The following LRRTM4 variants were observed in gnomAD, a reference collection of about 807,000 sequenced individuals.
The protein encoded by LRRTM4 is leucine-rich repeat transmembrane neuronal protein 4.
Under a neutral mutation model 47.6 loss-of-function variants are expected in LRRTM4, and 25 were observed. The observed-to-expected ratio is 0.53, with a 90% CI of 0.38 to 0.73. The LOEUF is 0.73. LRRTM4 is among the 30% of genes least tolerant of loss of function. The probability of loss-of-function intolerance (pLI) is 0.00; values close to 1 mark genes in which losing one functional copy is unlikely to be tolerated. For synonymous variants in LRRTM4, 311 were observed against 269.5 expected (o/e 1.15, Z -1.51); for missense variants, 638 against 713.4 (o/e 0.89, Z 1.20).
chr2:77,118,515 T>C (rs1558589171), intron 3 of LRRTM4, among the ~76,000 whole-genome samples: 1 of 151,916 alleles, frequency 6.6e-6, no homozygotes, highest in Non-Finnish European at 1.5e-5. Flanking sequence ...CAATGATGGA[T>C]GGAGCATGCA....
At chr2:76,787,444 C>A (rs1209414610) in intron 3 of LRRTM4, among the ~76,000 whole-genome samples, 1 of 151,978 alleles carries the variant, frequency 6.6e-6, no homozygotes, top group Non-Finnish European at 1.5e-5. Context: ...TCAACATTAT[C>A]AGATGGTAAG....
chr2:77,126,735 T>C (rs1398533517), intron 3 of LRRTM4, among the ~76,000 whole-genome samples: 1 of 152,128 alleles, frequency 6.6e-6, no homozygotes, highest in Non-Finnish European at 1.5e-5. Context: ...GGGGTTGATT[T>C]AGAAACACCT....
At chr2:77,364,359 A>G (rs375082088) in intron 3 of LRRTM4, among the ~76,000 whole-genome samples, 1 of 152,124 alleles carries the variant, frequency 6.6e-6, no homozygotes, top group Non-Finnish European at 1.5e-5. Flanking sequence ...CGTTGATTCA[A>G]TTTTAAAGGA....
At chr2:77,278,661 C>T (rs1676430450) in intron 3 of LRRTM4, among the ~76,000 whole-genome samples, 1 of 151,928 alleles carries the variant, frequency 6.6e-6, no homozygotes, top group Admixed American at 6.6e-5. Context: ...GGCCATTTAT[C>T]CCCATATAGC....
intron 3 of LRRTM4, among the ~76,000 whole-genome samples, chr2:77,065,280 T>C (rs1441096953): frequency 6.6e-6 from 1 of 152,178 alleles, no homozygotes; most frequent in Admixed American, 6.6e-5. Flanking sequence ...TTCTCATCTC[T>C]ATATTAATTC....
intron 3 of LRRTM4, among the ~76,000 whole-genome samples, chr2:77,200,047 CAT>C (rs1418975812): frequency 6.6e-6 from 1 of 151,860 alleles, no homozygotes; most frequent in Admixed American, 6.6e-5. Context: ...CAAAGTTAAA[CAT>C]GTGTTTTAGA....
chr2:77,176,703 T>C (rs1162598695), intron 3 of LRRTM4, among the ~76,000 whole-genome samples: 1 of 152,128 alleles, frequency 6.6e-6, no homozygotes, highest in Non-Finnish European at 1.5e-5. Flanking sequence ...GTGTGACAAA[T>C]TTAGGAATTT....
rs760585717 is a variant in LRRTM4, at chr2:77,519,647, C to G, written c.222G>C (p.Gln74His). 2 of 1,613,436 alleles carry G rather than the reference C, an allele frequency of 1.2e-6. No homozygotes were observed. The highest frequency in any genetic ancestry group is 1.7e-6 in the Non-Finnish European group (2 of 1,179,620). Residue 74 changes from glutamine (Q) to histidine (H), a missense_variant, in exon 3 of 4, where the codon CAG becomes CAC. By Grantham distance (24) the Gln-to-His change is conservative. Coordinates refer to ENST00000409884, the MANE Select transcript of LRRTM4 (RefSeq NM_001134745.3). This position sits in a 1 kb window ranked among gnomAD's most constrained non-coding sequence, Gnocchi z 4.6. The stretch of plus-strand genomic sequence containing the variant: ...CGGCAAACTGATTGGATTTGAGCTT[C>G]TGAATGCTGTTGAACCTTAATGATA... ...QGLSLRFNSIQKLKSNQFAGL... is the reference protein window; with the variant it reads ...QGLSLRFNSIHKLKSNQFAGL...
intron 3 of LRRTM4, among the ~76,000 whole-genome samples, chr2:77,429,347 T>A (rs1675258207): frequency 6.6e-6 from 1 of 152,114 alleles, no homozygotes; most frequent in Admixed American, 6.5e-5. Context: ...TCTCACTACT[T>A]AATATATATC....
intron 3 of LRRTM4, among the ~76,000 whole-genome samples, chr2:77,223,616 C>T (rs946266221): frequency 6.6e-6 from 1 of 152,076 alleles, no homozygotes; most frequent in Non-Finnish European, 1.5e-5. Context: ...ACAATTGCTT[C>T]AAAGAGAATA....
At chr2:76,892,785 G>T (rs554372923) in intron 3 of LRRTM4, among the ~76,000 whole-genome samples, 2 of 151,776 alleles carry the variant, frequency 1.3e-5, no homozygotes, top group East Asian at 3.9e-4. Flanking sequence ...GGGAAATGAA[G>T]TATGTATCAT....
intron 3 of LRRTM4, among the ~76,000 whole-genome samples, chr2:77,091,571 T>C (rs1360183593): frequency 1.4e-5 from 2 of 147,750 alleles, no homozygotes; most frequent in Non-Finnish European, 2.9e-5. Flanking sequence ...CCATATACTC[T>C]CCTATCCTCA....
intron 3 of LRRTM4, among the ~76,000 whole-genome samples, chr2:77,449,260 C>T (rs756573244): frequency 6.6e-6 from 1 of 152,040 alleles, no homozygotes; most frequent in Non-Finnish European, 1.5e-5. Flanking sequence ...AGTTTTATAG[C>T]GCAGGTTCAT....
At chr2:76,750,221 C>G (rs1672805813) in intron 3 of LRRTM4, among the ~76,000 whole-genome samples, 1 of 152,138 alleles carries the variant, frequency 6.6e-6, no homozygotes, top group Non-Finnish European at 1.5e-5. Context: ...GTAGTATTTC[C>G]AACATTTGCA....
At chr2:76,798,607 G>A (rs961265436) in intron 3 of LRRTM4, among the ~76,000 whole-genome samples, 2 of 151,060 alleles carry the variant, frequency 1.3e-5, no homozygotes, top group African/African-American at 4.9e-5. Flanking sequence ...AATCACAGCA[G>A]AACTGAAGGA....
At chr2:76,864,031 G>A (rs1007174370) in intron 3 of LRRTM4, among the ~76,000 whole-genome samples, 9 of 152,174 alleles carry the variant, frequency 5.9e-5, no homozygotes, top group Non-Finnish European at 8.8e-5. Context: ...TACATCCCAC[G>A]TGGAGGACAA....
At chr2:77,022,285 A>T (rs1678302118) in intron 3 of LRRTM4, among the ~76,000 whole-genome samples, 1 of 152,192 alleles carries the variant, frequency 6.6e-6, no homozygotes, top group Non-Finnish European at 1.5e-5. Context: ...GGTCCCTCCT[A>T]CAACATGTGG....
At chr2:77,499,143 T>C (rs764962361) in intron 3 of LRRTM4, among the ~76,000 whole-genome samples, 3 of 151,884 alleles carry the variant, frequency 2.0e-5, no homozygotes, top group East Asian at 1.9e-4. Context: ...GGAGACACCA[T>C]TGGTTGTCAT....
chr2:77,011,215 C>T (rs1407175946), intron 3 of LRRTM4, among the ~76,000 whole-genome samples: 2 of 152,090 alleles, frequency 1.3e-5, no homozygotes, highest in Non-Finnish European at 2.9e-5. Flanking sequence ...AATATAATTT[C>T]AACATGTAAT....
Sources: gnomAD v4.1 joint callset for allele counts (sites outside exome capture counted in the v4.1 genomes callset) on GRCh38, gnomAD v4.1.1 for gene constraint, Gnocchi (gnomAD v3.1) non-coding constraint, MANE v1.5 for transcripts, NCBI Gene and HGNC (gene_info 2026-07-23, HGNC 2026-07-21) for gene names.